The following TRMT11 variants were observed in gnomAD, a reference collection of about 807,000 sequenced individuals.
The protein encoded by TRMT11 is tRNA (guanine(10)-N(2))-methyltransferase TRMT11.
A neutral mutation model predicts 62.8 loss-of-function variants in TRMT11; 53 were observed. The ratio of observed to expected loss-of-function variants is 0.84; its 90% CI spans 0.68 to 1.06. The LOEUF is 1.06. TRMT11 is among the 50% of genes least tolerant of loss of function. The probability of loss-of-function intolerance (pLI) is 0.00; values close to 1 mark genes in which losing one functional copy is unlikely to be tolerated. For missense variants in TRMT11, 556 were observed against 553.4 expected (o/e 1.00, Z -0.05); for synonymous variants, 188 against 190.3 (o/e 0.99, Z 0.10).
intron 3 of TRMT11, 92 bp downstream of exon 3, chr6:125,996,132 C>T (rs1562238973): frequency 3.7e-6 from 3 of 811,152 alleles, no homozygotes; most frequent in Non-Finnish European, 5.9e-6. Flanking sequence ...AGTGTGAAGG[C>T]TCAGTTTAGC....
intron 12 of TRMT11, among the ~76,000 whole-genome samples, chr6:126,031,626 A>T (rs1774216916): frequency 2.0e-5 from 3 of 152,262 alleles, no homozygotes; most frequent in African/African-American, 7.2e-5. Context: ...ATATGTGGGG[A>T]ACCCTGGACT....
chr6:126,125,467 A>G (rs1424451911), intron 21 of TRMT11, among the ~76,000 whole-genome samples: 6 of 152,066 alleles, frequency 3.9e-5, no homozygotes, highest in Non-Finnish European at 8.8e-5. Context: ...ATAATTTAAT[A>G]TAATAATAAT....
intron 16 of TRMT11, among the ~76,000 whole-genome samples, chr6:126,049,494 G>T (rs9388467): frequency 6.6e-6 from 1 of 151,662 alleles, no homozygotes; most frequent in African/African-American, 2.4e-5. Flanking sequence ...GTCAATTGTT[G>T]TTCCTCTGTA....
chr6:126,261,138 G>A, the TRMT11 span, among the ~76,000 whole-genome samples: 1 of 151,984 alleles, frequency 6.6e-6, no homozygotes, highest in Non-Finnish European at 1.5e-5. Flanking sequence ...ATTTTATGTT[G>A]TCCCTTCTGA....
intron 17 of TRMT11, among the ~76,000 whole-genome samples, chr6:126,057,069 T>A (rs977627424): frequency 1.3e-5 from 2 of 152,220 alleles, no homozygotes; most frequent in African/African-American, 4.8e-5. Context: ...CTTCCTTTTT[T>A]AAGTGACAAT....
intron 17 of TRMT11, among the ~76,000 whole-genome samples, chr6:126,070,577 C>T (rs2128139232): frequency 6.6e-6 from 1 of 152,262 alleles, no homozygotes; most frequent in Middle Eastern, 3.4e-3. Flanking sequence ...GGTTTTCTCT[C>T]CTTCCCTCTC....
chr6:126,058,291 T>A (rs993711468), intron 17 of TRMT11, among the ~76,000 whole-genome samples: 12 of 152,330 alleles, frequency 7.9e-5, no homozygotes, highest in Admixed American at 1.3e-4. Context: ...GAACTCCTCC[T>A]TTTTTATGGC....
rs763928016 is a variant in TRMT11, at chr6:125,993,752, T to A, written c.73-5T>A. 6.9e-6 allele frequency: 11 copies of A among 1,592,374 alleles called. No individual in the cohort carries two copies. The highest frequency in any genetic ancestry group is 8.6e-6 in the Non-Finnish European group (10 of 1,161,208). On this transcript the variant is annotated splice_polypyrimidine_tract_variant and splice_region_variant and intron_variant, in intron 1 of 12. Coordinates refer to ENST00000334379, the MANE Select transcript of TRMT11 (RefSeq NM_001031712.3). ...TGTATTTTCTCTGTAATATTTTCAA[T>A]ACAGGAAATAAAGTCTTTGCTTTTG...
intron 8 of TRMT11, 100 bp downstream of exon 8, chr6:126,008,572 C>A: frequency 1.0e-6 from 1 of 980,688 alleles, no homozygotes. Context: ...TTGAATTGCA[C>A]AGGTCCACTT....
chr6:126,154,481 G>A (rs1235147077), intron 21 of TRMT11, among the ~76,000 whole-genome samples: 1 of 152,156 alleles, frequency 6.6e-6, no homozygotes, highest in Non-Finnish European at 1.5e-5. Context: ...CTTAAGAAGA[G>A]AGAAATGTGG....
At chr6:126,222,232 G>GTT in the TRMT11 span, among the ~76,000 whole-genome samples, 1 of 152,182 alleles carries the variant, frequency 6.6e-6, no homozygotes, top group African/African-American at 2.4e-5. Context: ...ATAGTTTGAA[G>GTT]TTAGGTAACG....
chr6:126,259,763 A>G, the TRMT11 span, among the ~76,000 whole-genome samples: 1 of 152,196 alleles, frequency 6.6e-6, no homozygotes, highest in African/African-American at 2.4e-5. Flanking sequence ...GTTTGGGTGC[A>G]TATATATTTA....
At chr6:125,996,910 G>T (rs749489371) in intron 3 of TRMT11, among the ~76,000 whole-genome samples, 8 of 152,132 alleles carry the variant, frequency 5.3e-5, no homozygotes, top group Admixed American at 5.2e-4. Context: ...AGAACTACCT[G>T]CAGCCTTTAA....
At chr6:126,195,170 A>G (rs1019604115) in intron 1 of TRMT11, among the ~76,000 whole-genome samples, 1 of 152,204 alleles carries the variant, frequency 6.6e-6, no homozygotes, top group African/African-American at 2.4e-5. Context: ...CAGATTACAC[A>G]AAGCTTCAAC....
the TRMT11 span, among the ~76,000 whole-genome samples, chr6:126,232,450 C>T: frequency 1.7e-4 from 26 of 151,832 alleles, no homozygotes; most frequent in African/African-American, 5.3e-4. Context: ...AAAATACCTG[C>T]GACTCAGGTA....
At chr6:126,062,271 C>G (rs117382493) in intron 17 of TRMT11, among the ~76,000 whole-genome samples, 1 of 152,118 alleles carries the variant, frequency 6.6e-6, no homozygotes, top group South Asian at 2.1e-4. Context: ...GCAAAGGAAT[C>G]GAAATATAGT....
intron 17 of TRMT11, among the ~76,000 whole-genome samples, chr6:126,057,268 A>G (rs919045861): frequency 3.3e-5 from 5 of 152,160 alleles, no homozygotes; most frequent in Non-Finnish European, 7.4e-5. Flanking sequence ...GATGGTGTCT[A>G]TGGTTGTCTT....
intron 1 of TRMT11, among the ~76,000 whole-genome samples, chr6:126,196,563 A>G (rs1300416324): frequency 4.6e-5 from 7 of 151,984 alleles, no homozygotes; most frequent in Non-Finnish European, 8.8e-5. Context: ...ACTAGAAGAT[A>G]TTTTGATTAC....
At position 126,012,800 on chromosome 6, in the gene TRMT11, A is replaced by G. The variant is rs1478662772; in HGVS notation, c.955A>G (p.Arg319Gly). The change falls in exon 10 of 13, where the codon AGA (arginine) becomes GGA (glycine). Residue 319 changes from arginine (R) to glycine (G), a missense_variant. Transcript: ENST00000334379. Reference sequence around the variant, plus strand: ...ATATGGTATCAGAGAATCTACAAGAAGAACAGGTTCACAGAAGGAGATACC... The same window carrying G: ...ATATGGTATCAGAGAATCTACAAGAGGAACAGGTTCACAGAAGGAGATACC... ...PPYGIRESTR[R>G]TGSQKEIPKG... 1 of 1,613,854 alleles carries G rather than the reference A, an allele frequency of 6.2e-7. No individual in the cohort carries two copies. The highest frequency in any genetic ancestry group is 8.5e-7 in the Non-Finnish European group (1 of 1,179,758).
Sources: gnomAD v4.1 joint callset for allele counts (sites outside exome capture counted in the v4.1 genomes callset) on GRCh38, gnomAD v4.1.1 for gene constraint, MANE v1.5 for transcripts, NCBI Gene and HGNC (gene_info 2026-07-23, HGNC 2026-07-21) for gene names.